The following WASHC5 variants were observed in gnomAD, a reference collection of about 807,000 sequenced individuals.
WASHC5 encodes the protein WASH complex subunit strumpellin.
WASHC5 carries 101 observed loss-of-function variants against 150.4 expected under a neutral mutation model. The ratio of observed to expected loss-of-function variants is 0.67; its 90% CI spans 0.57 to 0.79. The LOEUF (loss-of-function observed/expected upper bound fraction) is 0.79, where lower values mean the gene tolerates loss of function less well. WASHC5 is among the 30% of genes least tolerant of loss of function. The pLI is 0.00. For missense variants in WASHC5, 1,195 were observed against 1,396.3 expected (o/e 0.86, Z 2.30); for synonymous variants, 467 against 491.2 (o/e 0.95, Z 0.65).
intron 27 of WASHC5, among the ~76,000 whole-genome samples, chr8:125,030,040 G>A (rs749983699): frequency 5.3e-5 from 8 of 152,136 alleles, no homozygotes; most frequent in Non-Finnish European, 1.2e-4. Flanking sequence ...ACTTACAGCT[G>A]GTCTCCTGTA....
Position 125,052,637 on chromosome 8 carries a change from C to CACACAT in WASHC5, c.2098-1973_2098-1972insATGTGT, listed in dbSNP as rs1414587856. The stretch of plus-strand genomic sequence containing the variant: ...ACACACACACACACACACACACACA[C>CACACAT]ACATACATACATGTTTTTCTGCAAT... On this transcript the variant is annotated intron_variant, in intron 17 of 28. Coordinates refer to ENST00000318410, the MANE Select transcript of WASHC5 (RefSeq NM_014846.4). 1.2e-3 allele frequency among the ~76,000 whole-genome samples: 187 copies of CACACAT among 151,426 alleles called. 1 individual carries two copies. Among genetic ancestry groups the CACACAT allele is most frequent in the African/African-American group, 3.7e-3 (154 of 41,218 alleles).
chr8:125,050,628 T>C lies in WASHC5; in HGVS notation c.2135A>G (p.Lys712Arg). Residue 712 changes from lysine to arginine, a missense_variant, in exon 18 of 29, where the codon AAA (lysine) becomes AGA (arginine). Lys to Arg is a conservative substitution (Grantham distance 26, BLOSUM62 2). Transcript: ENST00000318410. ...PKQLLEDGIR[K>R]ELVKRVAFAL... The stretch of plus-strand genomic sequence containing the variant: ...AAAGGCAACGCGCTTCACAAGCTCT[T>C]TCCTTATTCCATCTTCCAGCAACTG... 6.2e-7 allele frequency: 1 copy of C among 1,614,166 alleles called. No individual in the cohort carries two copies.
chr8:125,056,635 A>T, intron 16 of WASHC5, 42 bp downstream of exon 16: 1 of 1,612,146 alleles, frequency 6.2e-7, no homozygotes, highest in South Asian at 1.1e-5. Context: ...CATGACTGTT[A>T]GTTTTTAATA....
Position 125,083,182 on chromosome 8 carries a change from T to C in WASHC5, c.263A>G (p.Asn88Ser). 6.2e-7 allele frequency: 1 copy of C among 1,603,988 alleles called. No homozygotes were observed. Among genetic ancestry groups the C allele is most frequent in the Non-Finnish European group, 8.5e-7 (1 of 1,171,132 alleles). The change falls in exon 3 of 29, where the codon AAC (asparagine) becomes AGC (serine). Residue 88 changes from asparagine to serine, a missense_variant. This residue lies in a region of WASHC5 where 195 missense variants were observed against 206.9 expected (regional missense o/e 0.94). Transcript: ENST00000318410. ...ATAAAATCTGGTCACAATTTCTATG[T>C]TGTTTTCACGAAATTCTTCATCTAA... ...QDLDEEFRENNIEIVTRFYLA... is the reference protein window; with the variant it reads ...QDLDEEFRENSIEIVTRFYLA...
At chr8:125,080,237 G>C (rs1038522810) in intron 5 of WASHC5, among the ~76,000 whole-genome samples, 2 of 151,868 alleles carry the variant, frequency 1.3e-5, no homozygotes, top group Non-Finnish European at 2.9e-5. Context: ...AGGGGACAAA[G>C]CCATATTTTC....
chr8:125,063,378 G>C (rs543860987), intron 11 of WASHC5, 144 bp downstream of exon 11: 1 of 924,732 alleles, frequency 1.1e-6, no homozygotes, highest in African/African-American at 1.6e-5. Flanking sequence ...CTAACCTTCA[G>C]ATCTTTATTA....
At chr8:125,027,493 T>C (rs752069874) in intron 28 of WASHC5, among the ~76,000 whole-genome samples, 24 of 152,222 alleles carry the variant, frequency 1.6e-4, no homozygotes, top group Non-Finnish European at 2.5e-4. Context: ...CTGGAGATTA[T>C]TCTTACAAGT....
At chr8:125,066,985 A>G (rs989935246) in intron 10 of WASHC5, among the ~76,000 whole-genome samples, 1 of 152,112 alleles carries the variant, frequency 6.6e-6, no homozygotes, top group Admixed American at 6.5e-5. Context: ...TTCAGAGCAA[A>G]TATCTGAGTT....
At chr8:125,073,511 C>T (rs1193350840) in intron 8 of WASHC5, among the ~76,000 whole-genome samples, 187 bp from the exon 9 acceptor site, 1 of 152,002 alleles carries the variant, frequency 6.6e-6, no homozygotes, top group East Asian at 1.9e-4. Context: ...AGTTATAGGG[C>T]TCAAACTTTA....
Position 125,043,865 on chromosome 8 carries a change from G to A in WASHC5, c.2810C>T (p.Thr937Ile), listed in dbSNP as rs1311803277. The A allele has an allele frequency of 1.2e-6, 2 of 1,612,966 alleles. No homozygotes were observed. The highest frequency in any genetic ancestry group is 1.6e-4 in the Middle Eastern group (1 of 6,074). Reference protein sequence around the residue: ...NKIYFSAIAKTQKIWTAYLEA... With the variant: ...NKIYFSAIAKIQKIWTAYLEA... ...GAGATACGCAGTCCAAATCTTCTGTGTTTTGGCAATGGCGGAAAAATAAAT... is the reference window on the plus strand; with the variant it reads ...GAGATACGCAGTCCAAATCTTCTGTATTTTGGCAATGGCGGAAAAATAAAT... The change falls in exon 23 of 29, where the codon ACA (threonine) becomes ATA (isoleucine). Residue 937 changes from threonine (T) to isoleucine (I), a missense_variant. By Grantham distance (89) the Thr-to-Ile change is moderately conservative (BLOSUM62 -1). This residue lies in a region of WASHC5 where 997 missense variants were observed against 1,168.1 expected (regional missense o/e 0.85). Coordinates refer to ENST00000318410, the MANE Select transcript of WASHC5 (RefSeq NM_014846.4).
chr8:125,074,718 A>C (rs939468561), intron 8 of WASHC5, among the ~76,000 whole-genome samples: 1 of 152,220 alleles, frequency 6.6e-6, no homozygotes, highest in Non-Finnish European at 1.5e-5. Flanking sequence ...ATAGTCTTTA[A>C]GCAAAAGTAA....
At chr8:125,037,371 C>A in intron 25 of WASHC5, 38 bp from the exon 26 acceptor site, 1 of 1,152,614 alleles carries the variant, frequency 8.7e-7, no homozygotes, top group South Asian at 1.2e-5. Flanking sequence ...ATGGTTAAAT[C>A]ACATTGCACA....
chr8:125,050,479 G>C (rs1816206295), intron 18 of WASHC5, 85 bp downstream of exon 18: 2 of 884,776 alleles, frequency 2.3e-6, no homozygotes, highest in Non-Finnish European at 3.8e-6. Context: ...GTAAGGTCTT[G>C]TTCGCGATAG....
intron 26 of WASHC5, chr8:125,032,623 A>G: frequency 1.8e-6 from 1 of 554,986 alleles, no homozygotes; most frequent in Non-Finnish European, 3.2e-6. Context: ...TAAATTTTGT[A>G]ATTATCATTA....
chr8:125,075,149 C>T, intron 7 of WASHC5, 38 bp from the exon 8 acceptor site: 1 of 1,270,288 alleles, frequency 7.9e-7, no homozygotes, highest in Non-Finnish European at 1.2e-6. Context: ...TAAATTCCTA[C>T]TCACTTCAAG....
At chr8:125,048,670 G>T (rs974645547) in intron 19 of WASHC5, among the ~76,000 whole-genome samples, 3 of 152,192 alleles carry the variant, frequency 2.0e-5, no homozygotes, top group Non-Finnish European at 4.4e-5. Flanking sequence ...ACCCATTATA[G>T]GTCCTAGTAA....
At chr8:125,068,326 A>G (rs1007108755) in intron 9 of WASHC5, among the ~76,000 whole-genome samples, 4 of 152,210 alleles carry the variant, frequency 2.6e-5, no homozygotes, top group Non-Finnish European at 4.4e-5. Context: ...GAGGCTACCT[A>G]TGTAAGCAGC....
At chr8:125,028,436 G>A (rs1191695161) in intron 28 of WASHC5, among the ~76,000 whole-genome samples, 184 bp downstream of exon 28, 1 of 152,188 alleles carries the variant, frequency 6.6e-6, no homozygotes, top group African/African-American at 2.4e-5. Flanking sequence ...GTTAAACTCT[G>A]CAAGGCAATT....
At chr8:125,074,881 G>GC (rs1399115255) in intron 8 of WASHC5, 117 bp downstream of exon 8, 1 of 737,286 alleles carries the variant, frequency 1.4e-6, no homozygotes, top group Non-Finnish European at 2.5e-6. Flanking sequence ...ATTAATCATT[G>GC]CATTAAATTA....
Sources: gnomAD v4.1 joint callset for allele counts (sites outside exome capture counted in the v4.1 genomes callset) on GRCh38, gnomAD v4.1.1 for gene constraint, gnomAD v4.1.1 regional missense constraint, MANE v1.5 for transcripts, NCBI Gene and HGNC (gene_info 2026-07-23, HGNC 2026-07-21) for gene names.